The following WWOX variants were observed in gnomAD, a reference collection of about 807,000 sequenced individuals.
WWOX encodes the protein WW domain containing oxidoreductase.
In WWOX, 69 loss-of-function variants were observed where a neutral mutation model predicts 46.2. The observed-to-expected ratio is 1.49, with a 90% confidence interval of 1.23 to 1.82. The LOEUF (loss-of-function observed/expected upper bound fraction) is 1.82, where lower values mean the gene tolerates loss of function less well. WWOX is among the 40% of genes most tolerant of loss of function. WWOX has a pLI of 0.00. For synonymous variants in WWOX, 359 were observed against 202.6 expected, an observed-to-expected ratio of 1.77 and a Z score of -6.56; for missense variants, 919 against 542.6, an observed-to-expected ratio of 1.69 and a Z score of -6.89.
chr16:78,640,356 A>G (rs1057374623), intron 8 of WWOX, among the ~76,000 whole-genome samples: 3 of 148,074 alleles, frequency 2.0e-5, no homozygotes, highest in Non-Finnish European at 4.4e-5. Flanking sequence ...TTGGAGTGCC[A>G]CTCAAGTCGG....
At chr16:78,930,222 T>TCTTCCTTC (rs574392161) in intron 8 of WWOX, among the ~76,000 whole-genome samples, 16,257 of 104,982 alleles carry the variant, frequency 0.15, 1,673 homozygotes, top group East Asian at 0.26. Context: ...TCAGGACCTT[T>TCTTCCTTC]CTTCCTTCCT....
intron 8 of WWOX, among the ~76,000 whole-genome samples, chr16:78,741,437 G>T (rs2049225642): frequency 6.6e-6 from 1 of 152,174 alleles, no homozygotes; most frequent in Non-Finnish European, 1.5e-5. Context: ...GCGCATGTCT[G>T]TAATTACAGT....
rs57291441 is a variant in WWOX, at chr16:78,797,358, T to TAA, written c.1056+364627_1056+364628dup. Reference sequence around the variant, plus strand: ...TATGCAATTTTAAGGGTCAAAGTGGTAAAAAAAAAAAAAAAAAAAAAAGGA... The same window carrying TAA: ...TATGCAATTTTAAGGGTCAAAGTGGTAAAAAAAAAAAAAAAAAAAAAAAAGGA... On this transcript the variant is annotated intron_variant, in intron 8 of 8. Coordinates refer to ENST00000566780, the MANE Select transcript of WWOX (RefSeq NM_016373.4). Among the ~76,000 whole-genome samples, 170 of 116,614 alleles carry TAA rather than the reference T, an allele frequency of 1.5e-3. 1 individual carries two copies. Among genetic ancestry groups the TAA allele is most frequent in the African/African-American group, 5.8e-3 (152 of 26,312 alleles). 76.5% of individuals were successfully genotyped at this position (116,614 alleles called of 152,430 possible).
intron 8 of WWOX, among the ~76,000 whole-genome samples, chr16:78,906,959 G>C (rs1269282286): frequency 6.6e-6 from 1 of 152,188 alleles, no homozygotes; most frequent in Non-Finnish European, 1.5e-5. Context: ...TGGTGATAAC[G>C]TAACCGCCCA....
At chr16:78,364,655 G>GATGTTT (rs74276285) in intron 5 of WWOX, among the ~76,000 whole-genome samples, 63,824 of 140,994 alleles carry the variant, frequency 0.45, 17,450 homozygotes, top group Non-Finnish European at 0.62. Flanking sequence ...GTTTGTGGGT[G>GATGTTT]CTCTTTCTCT....
chr16:78,469,579 G>A (rs543711101), intron 8 of WWOX, among the ~76,000 whole-genome samples: 1 of 152,086 alleles, frequency 6.6e-6, no homozygotes, highest in Non-Finnish European at 1.5e-5. Context: ...GGATAAAAGG[G>A]GTCTAGTTAA....
chr16:78,391,575 C>T (rs762605988), intron 6 of WWOX, among the ~76,000 whole-genome samples: 23 of 152,194 alleles, frequency 1.5e-4, no homozygotes, highest in Admixed American at 2.0e-4. Flanking sequence ...TGGCCAGGCA[C>T]GGTGGCTCAC....
At chr16:78,850,391 G>A (rs1210364900) in intron 8 of WWOX, among the ~76,000 whole-genome samples, 2 of 152,078 alleles carry the variant, frequency 1.3e-5, no homozygotes, top group Non-Finnish European at 2.9e-5. Context: ...GTCTTCCCCT[G>A]TTGTAACATA....
At chr16:78,399,490 G>A (rs1306584558) in intron 6 of WWOX, among the ~76,000 whole-genome samples, 2 of 152,156 alleles carry the variant, frequency 1.3e-5, no homozygotes, top group Non-Finnish European at 2.9e-5. Context: ...TGGATCATGG[G>A]ACTGAGCCAG....
intron 8 of WWOX, among the ~76,000 whole-genome samples, chr16:78,591,442 C>T (rs910819923): frequency 2.6e-5 from 4 of 152,214 alleles, no homozygotes; most frequent in African/African-American, 9.6e-5. Context: ...TTCCCTCACA[C>T]TTTCCACTCT....
chr16:78,516,420 T>G (rs2151492569), intron 8 of WWOX, among the ~76,000 whole-genome samples: 1 of 152,196 alleles, frequency 6.6e-6, no homozygotes, highest in East Asian at 1.9e-4. Context: ...AGATATTCTG[T>G]TATTTATGGT....
chr16:79,147,409 C>T (rs2050201290), intron 8 of WWOX, among the ~76,000 whole-genome samples: 1 of 152,152 alleles, frequency 6.6e-6, no homozygotes, highest in Non-Finnish European at 1.5e-5. Flanking sequence ...AGATTCTTCC[C>T]AGTTGTTGCA....
At chr16:78,908,737 G>A (rs937368220) in intron 8 of WWOX, among the ~76,000 whole-genome samples, 3 of 152,262 alleles carry the variant, frequency 2.0e-5, no homozygotes, top group African/African-American at 7.2e-5. Flanking sequence ...CTGGCCTCTT[G>A]CACTGAGTCA....
At position 78,571,362 on chromosome 16, in the gene WWOX, A is replaced by AAT. The variant is rs200663435; in HGVS notation, c.1056+138611_1056+138612dup. On this transcript the variant is annotated intron_variant, in intron 8 of 8. Transcript: ENST00000566780. ...GATGACTTTGTGAAATGTCCCATTA[A>AAT]ATGTGTATATATATATATAGTGTGC... is the stretch of plus-strand genomic sequence containing the variant. Among the ~76,000 whole-genome samples, 19 of 152,252 alleles carry AAT rather than the reference A, an allele frequency of 1.2e-4. No individual in the cohort carries two copies. The East Asian group carries it at 1.7e-3, about 14-fold the overall frequency.
intron 8 of WWOX, among the ~76,000 whole-genome samples, chr16:78,842,733 C>T (rs916539874): frequency 2.6e-5 from 4 of 151,988 alleles, no homozygotes; most frequent in African/African-American, 9.7e-5. Context: ...ACACCTGTAG[C>T]CGCAGCTACT....
rs1401063972 is a variant in WWOX, at chr16:78,440,657, C to T, written c.1056+7905C>T. 2.0e-5 allele frequency among the ~76,000 whole-genome samples: 3 copies of T among 151,042 alleles called. 1 individual carries two copies. The highest frequency in any genetic ancestry group is 4.2e-4 in the South Asian group (2 of 4,784). ...TTTGAGACGGAGTGTCTCTCCGTTG[C>T]CCGGATTGGAGTGTAGTGGCACAAT... is the stretch of plus-strand genomic sequence containing the variant. On this transcript the variant is annotated intron_variant, in intron 8 of 8. Transcript: ENST00000566780.
chr16:78,366,646 C>T (rs1249735568), intron 5 of WWOX, among the ~76,000 whole-genome samples: 6 of 152,186 alleles, frequency 3.9e-5, no homozygotes, highest in Middle Eastern at 3.2e-3. Flanking sequence ...ATTTATATCT[C>T]GTCTGTTGCC....
chr16:78,733,916 G>A, intron 8 of WWOX, among the ~76,000 whole-genome samples: 1 of 151,766 alleles, frequency 6.6e-6, no homozygotes, highest in East Asian at 2.0e-4. Flanking sequence ...AAATAAAACA[G>A]CTAGGCATAG....
intron 8 of WWOX, among the ~76,000 whole-genome samples, chr16:79,055,033 G>T (rs1056876481): frequency 6.6e-6 from 1 of 152,170 alleles, no homozygotes. Context: ...CTTTCCCATG[G>T]AGTTTATATA....
Sources: gnomAD v4.1 joint callset for allele counts (sites outside exome capture counted in the v4.1 genomes callset) on GRCh38, gnomAD v4.1.1 for gene constraint, MANE v1.5 for transcripts, NCBI Gene and HGNC (gene_info 2026-07-23, HGNC 2026-07-21) for gene names.